Variants in EWSR1 observed in about 807,000 individuals in gnomAD.
EWSR1 encodes the protein RNA-binding protein EWS.
In EWSR1, 14 loss-of-function variants were observed where a neutral mutation model predicts 92.1. The observed-to-expected ratio is 0.15, with a 90% CI of 0.10 to 0.24. EWSR1 has a LOEUF of 0.24. EWSR1 is among the 10% of genes least tolerant of loss of function. The pLI is 1.00. For synonymous variants in EWSR1, 303 were observed against 292.9 expected (o/e 1.03, Z -0.35); for missense variants, 637 against 870.9 (o/e 0.73, Z 3.38).
At chr22:29,295,007 C>T (rs1183892048) in intron 11 of EWSR1, among the ~76,000 whole-genome samples, 1 of 151,940 alleles carries the variant, frequency 6.6e-6, no homozygotes, top group Non-Finnish European at 1.5e-5. Context: ...ATCACACACA[C>T]CTCAAAAGTA....
chr22:29,277,514 T>G (rs894715148), intron 4 of EWSR1: 1 of 227,436 alleles, frequency 4.4e-6, no homozygotes, highest in African/African-American at 2.2e-5. Flanking sequence ...AGAAAGTGAT[T>G]AAATTAATTA....
At chr22:29,272,702 A>C (rs886509542) in intron 3 of EWSR1, among the ~76,000 whole-genome samples, 1 of 152,232 alleles carries the variant, frequency 6.6e-6, no homozygotes, top group Non-Finnish European at 1.5e-5. Flanking sequence ...CTTCTTCATT[A>C]TGTTTAAATT....
chr22:29,278,243 C>A (rs972980918), intron 5 of EWSR1, 27 bp downstream of exon 5: 1 of 1,606,124 alleles, frequency 6.2e-7, no homozygotes, highest in Non-Finnish European at 8.5e-7. Context: ...CTTAATGCGT[C>A]AGTCTTATGT....
At chr22:29,298,526 T>C (rs1464756854) in intron 13 of EWSR1, among the ~76,000 whole-genome samples, 1 of 140,372 alleles carries the variant, frequency 7.1e-6, no homozygotes, top group Admixed American at 7.0e-5. Context: ...AAAAAAAAAA[T>C]TGTGGGAGCT....
At chr22:29,287,805 AGCTATT>A (rs1210160329) in intron 7 of EWSR1, among the ~76,000 whole-genome samples, 13 of 152,324 alleles carry the variant, frequency 8.5e-5, no homozygotes, top group African/African-American at 2.9e-4. Flanking sequence ...GTGGGGAGGC[AGCTATT>A]GCAGGCCACT....
chr22:29,298,365 G>A (rs1462545192), intron 13 of EWSR1, among the ~76,000 whole-genome samples: 1 of 152,182 alleles, frequency 6.6e-6, no homozygotes, highest in Non-Finnish European at 1.5e-5. Context: ...AATTAGCCGG[G>A]TATGGTGGTG....
chr22:29,274,083 G>T (rs2058910185), intron 4 of EWSR1, among the ~76,000 whole-genome samples: 1 of 152,210 alleles, frequency 6.6e-6, no homozygotes, highest in African/African-American at 2.4e-5. Flanking sequence ...AGAGAGAAAA[G>T]AACTTTTAAC....
Position 29,288,694 on chromosome 22 carries a change from G to A in EWSR1, c.882G>A (p.Met294Ile). 1 of 1,614,006 alleles carries A rather than the reference G, an allele frequency of 6.2e-7. No homozygotes were observed. ...CCGGACCAGGAGAGAACCGGAGCAT[G>A]AGTGGCCCTGATAACCGGGGCAGGG... ...GFSGPGENRS[M>I]SGPDNRGRGR... Residue 294 changes from methionine to isoleucine, a missense_variant, in exon 8 of 17, where the codon ATG (methionine) becomes ATA (isoleucine). By Grantham distance (10) the Met-to-Ile change is conservative. This residue lies in a region of EWSR1 where 116 missense variants were observed against 167.8 expected (regional missense o/e 0.69). Coordinates refer to ENST00000397938, the MANE Select transcript of EWSR1 (RefSeq NM_005243.4).
At chr22:29,277,005 C>T (rs1343406280) in intron 4 of EWSR1, 3 of 230,768 alleles carry the variant, frequency 1.3e-5, no homozygotes, top group African/African-American at 2.2e-5. Context: ...GTAACACCTC[C>T]TACAGGAAAG....
chr22:29,288,893 G>A, intron 8 of EWSR1, 107 bp downstream of exon 8: 1 of 1,122,596 alleles, frequency 8.9e-7, no homozygotes, highest in South Asian at 1.8e-5. Flanking sequence ...GCATTTCCAT[G>A]GACAATCTGT....
In EWSR1 at chr22:29,282,461, G is replaced by C; in HGVS notation, c.485G>C (p.Ser162Thr). 6.3e-7 allele frequency: 1 copy of C among 1,592,356 alleles called. No homozygotes were observed. Residue 162 changes from serine to threonine, a missense_variant, in exon 6 of 17, where the codon AGC becomes ACC. Around this residue, in one of 5 missense-constraint regions of EWSR1, gnomAD observed 6 missense variants for 30.3 expected, o/e 0.20. Coordinates refer to ENST00000397938, the MANE Select transcript of EWSR1 (RefSeq NM_005243.4). ...QSSTGGYNQP[S>T]LGYGQSNYSY... The stretch of plus-strand genomic sequence containing the variant: ...AGCACAGGGGGTTACAACCAGCCCA[G>C]CCTAGGATATGGACAGAGTAACTAC...
rs55801595 is a variant in EWSR1, at chr22:29,273,723, C to T, written c.103-18C>T. ...AGTTCATGTATGAAGTTCTTGCATT[C>T]GTTTTTTTTTGGAGCAGGCATATGG... On this transcript the variant is annotated intron_variant, in intron 3 of 16. Transcript: ENST00000397938. The T allele has an allele frequency of 6.3e-6, 10 of 1,597,624 alleles. No homozygotes were observed. Among genetic ancestry groups the T allele is most frequent in the East Asian group, 4.5e-5 (2 of 44,704 alleles).
At chr22:29,292,035 C>G (rs2060477431) in intron 9 of EWSR1, 102 bp from the exon 10 acceptor site, 1 of 976,984 alleles carries the variant, frequency 1.0e-6, no homozygotes, top group Non-Finnish European at 1.7e-6. Flanking sequence ...TAATGAATCC[C>G]CATCAAATGG....
At chr22:29,280,863 T>TG (rs2059529572) in intron 5 of EWSR1, among the ~76,000 whole-genome samples, 19 of 7,372 alleles carry the variant, frequency 2.6e-3, no homozygotes, top group Non-Finnish European at 4.4e-3. Flanking sequence ...GTGTGTGTTG[T>TG]TTTTTTTTTT....
At chr22:29,298,412 A>G (rs534837104) in intron 13 of EWSR1, among the ~76,000 whole-genome samples, 8 of 151,872 alleles carry the variant, frequency 5.3e-5, no homozygotes, top group Admixed American at 5.2e-4. Flanking sequence ...AGGCTGAGGC[A>G]GGAGAATTGT....
intron 10 of EWSR1, 90 bp downstream of exon 10, chr22:29,292,259 A>G: frequency 7.8e-7 from 1 of 1,287,436 alleles, no homozygotes; most frequent in Non-Finnish European, 1.1e-6. Context: ...GCAGCCTTAT[A>G]GACCAGTGTG....
chr22:29,277,196 T>A (rs1401611326), intron 4 of EWSR1: 1 of 225,538 alleles, frequency 4.4e-6, no homozygotes, highest in Admixed American at 5.7e-5. Flanking sequence ...AGTGAAATAC[T>A]GAAGGGGAGG....
rs2060867817 is a variant in EWSR1, at chr22:29,296,457, C to T, written c.1294+89C>T. 4 of 1,481,342 alleles carry T rather than the reference C, an allele frequency of 2.7e-6. No individual in the cohort carries two copies. The South Asian group carries it at 5.0e-5, about 19-fold the overall frequency. 91.8% of individuals were successfully genotyped at this position (1,481,342 alleles called of 1,614,324 possible). Reference sequence around the variant, plus strand: ...TTGTGAACCATAGGAGCAAGAAGACCTTCCATCTCTTCCTGGGGGAGGTAG... The same window carrying T: ...TTGTGAACCATAGGAGCAAGAAGACTTTCCATCTCTTCCTGGGGGAGGTAG... On this transcript the variant is annotated intron_variant, in intron 12 of 16. Coordinates refer to ENST00000397938, the MANE Select transcript of EWSR1 (RefSeq NM_005243.4).
At position 29,299,290 on chromosome 22, in the gene EWSR1, C is replaced by T; in HGVS notation, c.1637C>T (p.Pro546Leu). 1 of 1,614,028 alleles carries T rather than the reference C, an allele frequency of 6.2e-7. No individual in the cohort carries two copies. Among genetic ancestry groups the T allele is most frequent in the South Asian group, 1.1e-5 (1 of 91,066 alleles). ...WRTECNQCKAPKPEGFLPPPF... is the reference protein window; with the variant it reads ...WRTECNQCKALKPEGFLPPPF... ...ACAGAGTGCAACCAGTGTAAGGCCC[C>T]AAAGCCTGAAGGCTTCCTCCCGCCA... The change falls in exon 15 of 17, where the codon CCA becomes CTA. Residue 546 changes from proline (P) to leucine (L), a missense_variant. Transcript: ENST00000397938.
Sources: gnomAD v4.1 joint callset for allele counts (sites outside exome capture counted in the v4.1 genomes callset) on GRCh38, gnomAD v4.1.1 for gene constraint, gnomAD v4.1.1 regional missense constraint, MANE v1.5 for transcripts, NCBI Gene and HGNC (gene_info 2026-07-23, HGNC 2026-07-21) for gene names.